FHIP1A: variants seen among roughly 807,000 people sequenced by gnomAD.
The protein encoded by FHIP1A is FHF complex subunit HOOK interacting protein 1A.
In FHIP1A, 61 loss-of-function variants were observed where a neutral mutation model predicts 88.6. That is an observed-to-expected ratio of 0.69 (90% CI 0.56 to 0.85). FHIP1A has a LOEUF of 0.85. Among genes scored for constraint, FHIP1A ranks in the 40% least tolerant of loss-of-function variants. The pLI is 0.00. For missense variants in FHIP1A, 1,154 were observed against 1,273.5 expected (o/e 0.91, Z 1.43); for synonymous variants, 478 against 496.0 (o/e 0.96, Z 0.48).
intron 7 of FHIP1A, among the ~76,000 whole-genome samples, chr4:151,608,922 T>A (rs1262220554): frequency 6.6e-6 from 1 of 152,150 alleles, no homozygotes; most frequent in African/African-American, 2.4e-5. Flanking sequence ...GATTGTTGGG[T>A]TCTTAAATAT....
At chr4:151,457,741 A>G (rs1176790628) in intron 2 of FHIP1A, among the ~76,000 whole-genome samples, 2 of 152,098 alleles carry the variant, frequency 1.3e-5, no homozygotes, top group East Asian at 3.9e-4. Flanking sequence ...TTTTTTAGGT[A>G]TCTCTGAGAC....
At chr4:151,600,440 C>T (rs950629981) in intron 7 of FHIP1A, among the ~76,000 whole-genome samples, 5 of 152,046 alleles carry the variant, frequency 3.3e-5, no homozygotes, top group Non-Finnish European at 7.4e-5. Flanking sequence ...TAGTCAGGGC[C>T]CCAGAAGGAA....
chr4:151,594,485 T>G (rs1734569811), intron 7 of FHIP1A, among the ~76,000 whole-genome samples: 1 of 152,218 alleles, frequency 6.6e-6, no homozygotes, highest in Non-Finnish European at 1.5e-5. Context: ...TTTATGCATT[T>G]CTTCTAGATT....
At position 151,667,551 on chromosome 4, in the gene FHIP1A, A is replaced by G. The variant is rs554978898; in HGVS notation, c.*4797A>G. Among the ~76,000 whole-genome samples, 1 of 152,326 alleles carries G rather than the reference A, an allele frequency of 6.6e-6. No individual in the cohort carries two copies. The highest frequency in any genetic ancestry group is 1.5e-5 in the Non-Finnish European group (1 of 68,038). Reference sequence around the variant, plus strand: ...TTTTGGGACTACAGATTATCCTGGCAGCTCAATAACTGGATAAACAGGACT... The same window carrying G: ...TTTTGGGACTACAGATTATCCTGGCGGCTCAATAACTGGATAAACAGGACT... On this transcript the variant is annotated 3_prime_UTR_variant, in exon 14 of 14. Coordinates refer to ENST00000435205, the MANE Select transcript of FHIP1A (RefSeq NM_001109977.3).
intron 3 of FHIP1A, among the ~76,000 whole-genome samples, chr4:151,551,548 ATCTT>A (rs1732734040): frequency 1.5e-5 from 2 of 134,890 alleles, no homozygotes; most frequent in Non-Finnish European, 3.3e-5. Context: ...CAACCATCTG[ATCTT>A]TGACAAACCT....
chr4:151,442,137 T>C (rs1430488790), intron 1 of FHIP1A, among the ~76,000 whole-genome samples: 1 of 152,162 alleles, frequency 6.6e-6, no homozygotes, highest in Non-Finnish European at 1.5e-5. Context: ...TGCTCACATT[T>C]ATGCAGAATG....
At chr4:151,568,064 C>G (rs1733457410) in intron 4 of FHIP1A, among the ~76,000 whole-genome samples, 1 of 152,098 alleles carries the variant, frequency 6.6e-6, no homozygotes, top group African/African-American at 2.4e-5. Flanking sequence ...GGTCATCTGC[C>G]CTGTCAGATT....
intron 3 of FHIP1A, among the ~76,000 whole-genome samples, chr4:151,518,584 A>G (rs1306878701): frequency 6.6e-6 from 1 of 150,418 alleles, no homozygotes; most frequent in Non-Finnish European, 1.5e-5. Flanking sequence ...CCATCATCCA[A>G]ATTCTACCAT....
chr4:151,663,515 ATTAC>A lies in FHIP1A; in HGVS notation c.*764_*767del, dbSNP rs1406882136. 6.6e-6 allele frequency: 1 copy of A among 152,224 alleles called. No homozygotes were observed. The allele number at this position is 152,224 out of a possible 1,614,324, so 9.4% of individuals were successfully genotyped here. Reference sequence around the variant, plus strand: ...AAAATTAAGTATACCTATGCAAACTATTACTTTGGTTTTTAGGAGTTTGATCAGA... The same window carrying A: ...AAAATTAAGTATACCTATGCAAACTATTTGGTTTTTAGGAGTTTGATCAGA... On this transcript the variant is annotated 3_prime_UTR_variant, in exon 14 of 14. Transcript: ENST00000435205.
chr4:151,471,778 T>A (rs1043995485), intron 2 of FHIP1A, among the ~76,000 whole-genome samples: 1 of 152,084 alleles, frequency 6.6e-6, no homozygotes, highest in Admixed American at 6.6e-5. Flanking sequence ...TCCCACCCAT[T>A]CCCCCTGAGT....
chr4:151,572,107 T>G (rs1224163318), intron 4 of FHIP1A, among the ~76,000 whole-genome samples: 2 of 152,204 alleles, frequency 1.3e-5, no homozygotes, highest in Admixed American at 1.3e-4. Context: ...CTTGGGAGGC[T>G]GAGGCAGGAG....
chr4:151,584,704 G>T (rs72728194), intron 5 of FHIP1A, among the ~76,000 whole-genome samples: 1 of 152,066 alleles, frequency 6.6e-6, no homozygotes, highest in Non-Finnish European at 1.5e-5. Context: ...AACCCTGCAG[G>T]ATCTGATTCC....
chr4:151,494,739 G>A (rs995331739), intron 3 of FHIP1A, among the ~76,000 whole-genome samples: 2 of 152,120 alleles, frequency 1.3e-5, no homozygotes, highest in Non-Finnish European at 2.9e-5. Context: ...GAATAGCATT[G>A]AATCTGTAAA....
At chr4:151,630,113 C>CT (rs1736101141) in intron 8 of FHIP1A, among the ~76,000 whole-genome samples, 1 of 152,110 alleles carries the variant, frequency 6.6e-6, no homozygotes, top group Admixed American at 6.5e-5. Context: ...CCTAGGACAT[C>CT]TTTCGCTATT....
chr4:151,643,989 T>C (rs1213411055), intron 9 of FHIP1A, among the ~76,000 whole-genome samples: 2 of 152,240 alleles, frequency 1.3e-5, no homozygotes, highest in Non-Finnish European at 2.9e-5. Context: ...AGTGTTCCAT[T>C]TTTAATACTT....
In FHIP1A at chr4:151,576,211, C is replaced by G. The variant is rs141875793; in HGVS notation, c.106-1239C>G. Among the ~76,000 whole-genome samples, 3 of 152,250 alleles carry G rather than the reference C, an allele frequency of 2.0e-5. No homozygotes were observed. The East Asian group carries it at 5.8e-4, about 29-fold the overall frequency. ...TGCTAGCAGTGGGAAAGGAGAGAAG[C>G]TGACTAGGGCTGTGAGGTGACCTAT... On this transcript the variant is annotated intron_variant, in intron 4 of 13. Coordinates refer to ENST00000435205, the MANE Select transcript of FHIP1A (RefSeq NM_001109977.3).
rs112415117 is a variant in FHIP1A at position 151,642,316 on chromosome 4, A to G, written c.1226+3560A>G. Among the ~76,000 whole-genome samples, 470 of 152,324 alleles carry G rather than the reference A, an allele frequency of 3.1e-3. 2 individuals carry two copies. The highest frequency in any genetic ancestry group is 0.011 in the African/African-American group (457 of 41,574). On this transcript the variant is annotated intron_variant, in intron 9 of 13. Transcript: ENST00000435205. ...TTCTTTTTAGAGAGTTTTTTTCAGA[A>G]GTACTGGTCCATTGTCAGGTTTATG...
intron 8 of FHIP1A, among the ~76,000 whole-genome samples, chr4:151,634,420 T>C (rs185428694): frequency 4.6e-5 from 7 of 151,852 alleles, no homozygotes; most frequent in Admixed American, 4.6e-4. Flanking sequence ...AATCCCAAAA[T>C]TTATATGAAA....
At chr4:151,472,671 T>C (rs1435795768) in intron 2 of FHIP1A, among the ~76,000 whole-genome samples, 1 of 151,062 alleles carries the variant, frequency 6.6e-6, no homozygotes, top group East Asian at 1.9e-4. Flanking sequence ...TAATGTTTAC[T>C]CTGTCAGGGA....
Sources: allele counts gnomAD v4.1 joint callset (sites outside exome capture counted in the v4.1 genomes callset), GRCh38; gene constraint gnomAD v4.1.1; transcripts MANE v1.5; gene names NCBI Gene and HGNC (gene_info 2026-07-23, HGNC 2026-07-21).